The following RBMS2 variants were observed in gnomAD, a reference collection of about 807,000 sequenced individuals.
RBMS2 encodes RNA binding motif single stranded interacting protein 2, also known as RNA-binding motif, single-stranded-interacting protein 2.
In RBMS2, 38 loss-of-function variants were observed where a neutral mutation model predicts 58.4. That is an observed-to-expected ratio of 0.65 (90% confidence interval 0.50 to 0.85). The LOEUF (loss-of-function observed/expected upper bound fraction) is 0.85. Ranked by LOEUF, RBMS2 falls within the 40% of genes least tolerant of loss-of-function variation. The pLI, the probability that RBMS2 is intolerant of heterozygous loss-of-function variation, is 0.00. For missense variants in RBMS2, 367 were observed against 503.7 expected, an observed-to-expected ratio of 0.73 and a Z score of 2.60; for synonymous variants, 151 against 180.7, an observed-to-expected ratio of 0.84 and a Z score of 1.32.
intron 1 of RBMS2, among the ~76,000 whole-genome samples, chr12:56,552,082 A>T (rs1358944738): frequency 6.6e-6 from 1 of 152,206 alleles, no homozygotes; most frequent in Non-Finnish European, 1.5e-5. Context: ...GGAAGGCATG[A>T]AAAGCCTGGT....
chr12:56,569,901 T>A lies in RBMS2; in HGVS notation c.295T>A (p.Tyr99Asn), dbSNP rs772904949. The change falls in exon 4 of 14, where the codon TAT becomes AAT. Residue 99 changes from tyrosine to asparagine, a missense_variant and splice_region_variant. Physicochemically the swap from Tyr to Asn is moderately radical, Grantham distance 143. Around this residue, in one of 3 missense-constraint regions of RBMS2, gnomAD observed 93 missense variants for 132.2 expected, o/e 0.70. Coordinates refer to ENST00000262031, the MANE Select transcript of RBMS2 (RefSeq NM_002898.4). ...LDKTTNKCKG[Y>N]GFVDFDSPSA... is the part of the protein sequence containing the mutation. ...TGATGCTGTTTCCTCTGTTCCAGGC[T>A]ATGGCTTTGTAGATTTTGACAGCCC... 6.2e-7 allele frequency: 1 copy of A among 1,612,186 alleles called. No homozygotes were observed. Among genetic ancestry groups the A allele is most frequent in the Non-Finnish European group, 8.5e-7 (1 of 1,178,222 alleles).
chr12:56,557,802 G>C (rs1431450199), intron 1 of RBMS2, among the ~76,000 whole-genome samples: 2 of 148,990 alleles, frequency 1.3e-5, no homozygotes, highest in African/African-American at 5.0e-5. Context: ...GCAATGGCGC[G>C]ATGTCAGCTC....
intron 1 of RBMS2, among the ~76,000 whole-genome samples, chr12:56,523,556 A>T (rs1392766793): frequency 1.3e-5 from 2 of 152,208 alleles, no homozygotes; most frequent in African/African-American, 4.8e-5. Context: ...AGGTGGGTGG[A>T]TCACTTGAGG....
intron 13 of RBMS2, 23 bp downstream of exon 13, chr12:56,589,041 C>T: frequency 1.2e-6 from 2 of 1,613,748 alleles, no homozygotes; most frequent in Non-Finnish European, 1.7e-6. Flanking sequence ...TGCTGGGGGG[C>T]AGGGAGGGCT....
intron 1 of RBMS2, among the ~76,000 whole-genome samples, chr12:56,530,350 C>CTTTTTTT (rs71081373): frequency 7.8e-5 from 5 of 63,782 alleles, no homozygotes; most frequent in African/African-American, 1.5e-4. Flanking sequence ...TTTCTTTTTC[C>CTTTTTTT]TTTTTTTTTT....
intron 1 of RBMS2, among the ~76,000 whole-genome samples, chr12:56,542,236 C>CTT (rs57874183): frequency 2.8e-4 from 42 of 150,034 alleles, no homozygotes; most frequent in African/African-American, 6.6e-4. Context: ...ATTTTTCTTT[C>CTT]TTTTTTTTTG....
At chr12:56,582,735 C>G (rs773351127) in intron 9 of RBMS2, among the ~76,000 whole-genome samples, 8 of 152,198 alleles carry the variant, frequency 5.3e-5, no homozygotes, top group Admixed American at 2.0e-4. Flanking sequence ...GTGGTGCAAT[C>G]TCGGCTCACT....
At chr12:56,555,770 A>T (rs1004079870) in intron 1 of RBMS2, among the ~76,000 whole-genome samples, 5 of 151,802 alleles carry the variant, frequency 3.3e-5, no homozygotes, top group African/African-American at 1.2e-4. Context: ...TTGTATTTTC[A>T]GTAGAGATGG....
At chr12:56,541,570 A>G (rs145798009) in intron 1 of RBMS2, among the ~76,000 whole-genome samples, 199 of 152,338 alleles carry the variant, frequency 1.3e-3, no homozygotes, top group African/African-American at 4.7e-3. Context: ...AAATAAAGTA[A>G]CACTTACTAC....
Position 56,538,466 on chromosome 12 carries a change from C to CTT in RBMS2, c.66+16403_66+16404dup, listed in dbSNP as rs58534515. 8.3e-5 allele frequency among the ~76,000 whole-genome samples: 6 copies of CTT among 72,480 alleles called. 1 individual carries two copies. The highest frequency in any genetic ancestry group is 1.9e-4 in the Admixed American group (1 of 5,272). 47.5% of individuals were successfully genotyped at this position (72,480 alleles called of 152,430 possible). On this transcript the variant is annotated intron_variant, in intron 1 of 13. Transcript: ENST00000262031. ...AGATTGCTTTGAGTAGTACTGATATCTTTTTTTTTTTTTTTTTTTTTTTTT... is the reference window on the plus strand; with the variant it reads ...AGATTGCTTTGAGTAGTACTGATATCTTTTTTTTTTTTTTTTTTTTTTTTTTT...
At chr12:56,541,337 G>A (rs1030348151) in intron 1 of RBMS2, among the ~76,000 whole-genome samples, 1 of 152,042 alleles carries the variant, frequency 6.6e-6, no homozygotes, top group Non-Finnish European at 1.5e-5. Flanking sequence ...AATTAGGAAT[G>A]AAATTGATTT....
rs1429154187 is a variant in RBMS2, at chr12:56,589,215, C to G, written c.*82C>G. The G allele has an allele frequency of 7.3e-6, 11 of 1,510,314 alleles. No individual in the cohort carries two copies. The highest frequency in any genetic ancestry group is 9.8e-6 in the Non-Finnish European group (11 of 1,126,472). The allele number at this position is 1,510,314 out of a possible 1,614,324, so 93.6% of individuals were successfully genotyped here. ...ATGCTCCCAGATTCCAGAGGGTTAA[C>G]CAGGAATGGAGACCATCCGTCGGCC... On this transcript the variant is annotated 3_prime_UTR_variant, in exon 14 of 14. Transcript: ENST00000262031.
chr12:56,532,156 T>C (rs1873859896), intron 1 of RBMS2, among the ~76,000 whole-genome samples: 1 of 151,796 alleles, frequency 6.6e-6, no homozygotes, highest in African/African-American at 2.4e-5. Flanking sequence ...GAGGTAGAGG[T>C]TGCAGTGAGC....
intron 2 of RBMS2, among the ~76,000 whole-genome samples, chr12:56,563,034 A>G (rs1431617283): frequency 6.6e-6 from 1 of 152,030 alleles, no homozygotes; most frequent in Admixed American, 6.6e-5. Context: ...GAGGCAGGAG[A>G]ATGGTGTGAA....
At position 56,595,286 on chromosome 12, in the gene RBMS2, T is replaced by C. The variant is rs1885649832; in HGVS notation, c.*6153T>C. On this transcript the variant is annotated 3_prime_UTR_variant, in exon 14 of 14. Coordinates refer to ENST00000262031, the MANE Select transcript of RBMS2 (RefSeq NM_002898.4). ...TTTAGGGGGTTGCACCAAGACAAAG[T>C]TTCCAGGCTGGAGGGTAATACATAT... 1 of 152,168 alleles carries C rather than the reference T, an allele frequency of 6.6e-6. No individual in the cohort carries two copies. The highest frequency in any genetic ancestry group is 1.5e-5 in the Non-Finnish European group (1 of 68,038). The allele number at this position is 152,168 out of a possible 1,614,324, so 9.4% of individuals were successfully genotyped here.
intron 5 of RBMS2, 55 bp downstream of exon 5, chr12:56,571,910 G>A (rs1022772644): frequency 1.4e-6 from 2 of 1,380,726 alleles, no homozygotes; most frequent in Non-Finnish European, 1.9e-6. Context: ...GTCACTTGGG[G>A]GTCACCAGAA....
Position 56,559,035 on chromosome 12 carries a change from T to C in RBMS2, c.67-3382T>C, listed in dbSNP as rs1232844953. On this transcript the variant is annotated intron_variant, in intron 1 of 13. Transcript: ENST00000262031. Reference sequence around the variant, plus strand: ...CTTGAGCTACCGCGCCAGCTGACAGTTGCTTTTATTATCATTGTTACTGTT... The same window carrying C: ...CTTGAGCTACCGCGCCAGCTGACAGCTGCTTTTATTATCATTGTTACTGTT... Among the ~76,000 whole-genome samples, 4 of 152,228 alleles carry C rather than the reference T, an allele frequency of 2.6e-5. No homozygotes were observed. The East Asian group carries it at 7.7e-4, about 29-fold the overall frequency.
intron 1 of RBMS2, among the ~76,000 whole-genome samples, chr12:56,530,985 C>A (rs1310565905): frequency 6.6e-6 from 1 of 152,182 alleles, no homozygotes; most frequent in Non-Finnish European, 1.5e-5. Flanking sequence ...TCCTACCCAT[C>A]CCTTTAAGTT....
intron 1 of RBMS2, among the ~76,000 whole-genome samples, chr12:56,552,675 A>G (rs535090603): frequency 6.6e-6 from 1 of 152,048 alleles, no homozygotes; most frequent in South Asian, 2.1e-4. Context: ...CCTGGGCAAC[A>G]TAGCGTGTCT....
Sources: allele counts gnomAD v4.1 joint callset (sites outside exome capture counted in the v4.1 genomes callset), GRCh38; gene constraint gnomAD v4.1.1; regional missense constraint gnomAD v4.1.1; transcripts MANE v1.5; gene names NCBI Gene and HGNC (gene_info 2026-07-23, HGNC 2026-07-21).